DNAI4: variants seen among roughly 807,000 people sequenced by gnomAD.
DNAI4 encodes the protein dynein axonemal intermediate chain 4, also known as WD repeat domain 78.
A neutral mutation model predicts 105.8 loss-of-function variants in DNAI4; 85 were observed. The ratio of observed to expected loss-of-function variants is 0.80; its 90% CI spans 0.67 to 0.96. The LOEUF is 0.96. Ranked by LOEUF, DNAI4 falls within the 40% of genes least tolerant of loss-of-function variation. DNAI4 has a pLI of 0.00. For synonymous variants in DNAI4, 352 were observed against 331.5 expected (o/e 1.06, Z -0.67); for missense variants, 1,014 against 1,005.6 (o/e 1.01, Z -0.11).
intron 7 of DNAI4, among the ~76,000 whole-genome samples, chr1:66,849,112 G>A (rs1178252423): frequency 1.3e-5 from 2 of 152,188 alleles, no homozygotes; most frequent in Non-Finnish European, 2.9e-5. Flanking sequence ...TAGTAACAAA[G>A]TATACCTCCC....
chr1:66,863,096 C>T (rs1290736828), intron 6 of DNAI4, among the ~76,000 whole-genome samples: 1 of 152,098 alleles, frequency 6.6e-6, no homozygotes, highest in Non-Finnish European at 1.5e-5. Flanking sequence ...TAAATTTATT[C>T]AAATCATCAA....
Position 66,826,902 on chromosome 1 carries a change from C to T in DNAI4, c.2257G>A (p.Val753Ile), listed in dbSNP as rs139606017. 1.2e-4 allele frequency: 189 copies of T among 1,614,074 alleles called. No homozygotes were observed. Among genetic ancestry groups the T allele is most frequent in the Middle Eastern group, 3.3e-4 (2 of 6,060 alleles). ...FYPATSVVYD[V>I]AWSPKSSYIF... ...TAGGATGATTTTGGAGACCAGGCAACGTCGTAAACAACAGAAGTAGCTGGA... is the reference window on the plus strand; with the variant it reads ...TAGGATGATTTTGGAGACCAGGCAATGTCGTAAACAACAGAAGTAGCTGGA... The change falls in exon 15 of 17, where the codon GTT becomes ATT. Residue 753 changes from valine (V) to isoleucine (I), a missense_variant. By Grantham distance (29) the Val-to-Ile change is conservative. Coordinates refer to ENST00000371026, the MANE Select transcript of DNAI4 (RefSeq NM_024763.5).
In DNAI4 at chr1:66,883,362, C is replaced by T. The variant is rs1018913390; in HGVS notation, c.643+7792G>A. 2.0e-5 allele frequency among the ~76,000 whole-genome samples: 3 copies of T among 152,038 alleles called. No individual in the cohort carries two copies. The South Asian group carries it at 6.2e-4, about 32-fold the overall frequency. On this transcript the variant is annotated intron_variant, in intron 4 of 16. Coordinates refer to ENST00000371026, the MANE Select transcript of DNAI4 (RefSeq NM_024763.5). ...GCGCAATCTGGGCTCACTGAAACCTCCACCTCCTGGGTTCAAGTGACTCTC... is the reference window on the plus strand; with the variant it reads ...GCGCAATCTGGGCTCACTGAAACCTTCACCTCCTGGGTTCAAGTGACTCTC...
chr1:66,908,098 C>T (rs911461740), intron 1 of DNAI4, among the ~76,000 whole-genome samples: 2 of 152,182 alleles, frequency 1.3e-5, no homozygotes, highest in African/African-American at 4.8e-5. Context: ...GCTGGCAAAA[C>T]CAAAATCATG....
rs995833416 is a variant in DNAI4, at chr1:66,833,438, A to G, written c.2013+147T>C. On this transcript the variant is annotated intron_variant, in intron 13 of 16. Transcript: ENST00000371026. ...TTCTTCCACCTGCATCCCCTAGCCC[A>G]GGCAATCATTTATCTACTTTCTGTC... The G allele has an allele frequency of 3.3e-6, 3 of 916,644 alleles. No individual in the cohort carries two copies. In the African/African-American group the frequency reaches 5.0e-5, roughly 15 times the overall value. The allele number at this position is 916,644 out of a possible 1,614,324, so 56.8% of individuals were successfully genotyped here.
At chr1:66,922,726 T>C (rs571389633) in intron 1 of DNAI4, among the ~76,000 whole-genome samples, 1 of 152,316 alleles carries the variant, frequency 6.6e-6, no homozygotes, top group South Asian at 2.1e-4. Flanking sequence ...AATCCCAAGG[T>C]TTTTCCCCTG....
intron 1 of DNAI4, among the ~76,000 whole-genome samples, chr1:66,924,003 C>A (rs1400028409): frequency 1.3e-5 from 2 of 152,136 alleles, no homozygotes; most frequent in Middle Eastern, 3.2e-3. Flanking sequence ...TACTACAGAG[C>A]ACAGCAATGT....
intron 2 of DNAI4, among the ~76,000 whole-genome samples, chr1:66,903,001 A>G (rs1325312649): frequency 6.6e-6 from 1 of 152,176 alleles, no homozygotes; most frequent in Admixed American, 6.5e-5. Flanking sequence ...TGTTCTTCTT[A>G]TTCAAGATTG....
chr1:66,881,819 T>C (rs1392560829), intron 4 of DNAI4, among the ~76,000 whole-genome samples: 1 of 152,200 alleles, frequency 6.6e-6, no homozygotes, highest in East Asian at 1.9e-4. Flanking sequence ...ATAGTTTGGC[T>C]GTGTCTCCAC....
chr1:66,835,834 A>AT lies in DNAI4; in HGVS notation c.1582-58dup, dbSNP rs1645974544. 12 of 1,511,910 alleles carry AT rather than the reference A, an allele frequency of 7.9e-6. No individual in the cohort carries two copies. In the East Asian group the frequency reaches 2.0e-4, roughly 26 times the overall value. 93.7% of individuals were successfully genotyped at this position (1,511,910 alleles called of 1,614,324 possible). A position where few individuals can be genotyped will look rare whatever the true frequency, so the allele number is the denominator to read the frequency against. On this transcript the variant is annotated intron_variant, in intron 10 of 16. Transcript: ENST00000371026. Reference sequence around the variant, plus strand: ...TTTTTGTAGACCACAGTAAGGCAGAATATAATGGTGGCTGAGATTTAGTTT... The same window carrying AT: ...TTTTTGTAGACCACAGTAAGGCAGAATTATAATGGTGGCTGAGATTTAGTTT...
chr1:66,845,205 A>AAG (rs1557918681), intron 8 of DNAI4, among the ~76,000 whole-genome samples: 2 of 32,908 alleles, frequency 6.1e-5, no homozygotes, highest in African/African-American at 1.6e-4. Context: ...AAAAAAAAAA[A>AAG]AAAAGAAAAA....
chr1:66,868,566 G>A (rs761339519), intron 6 of DNAI4, among the ~76,000 whole-genome samples: 3 of 152,106 alleles, frequency 2.0e-5, no homozygotes, highest in Admixed American at 6.6e-5. Context: ...CTTCAGTAGG[G>A]GCATCAATCC....
At chr1:66,903,468 C>G (rs147184454) in intron 2 of DNAI4, among the ~76,000 whole-genome samples, 309 of 152,158 alleles carry the variant, frequency 2.0e-3, no homozygotes, top group Middle Eastern at 3.4e-3. Flanking sequence ...TCAGAGAGAA[C>G]TTTACTTCTT....
chr1:66,831,340 A>G (rs544161234), intron 13 of DNAI4, among the ~76,000 whole-genome samples: 6 of 152,290 alleles, frequency 3.9e-5, no homozygotes, highest in Non-Finnish European at 7.4e-5. Context: ...ATGTCACAAG[A>G]AAACTATAGA....
intron 6 of DNAI4, among the ~76,000 whole-genome samples, chr1:66,866,556 C>T (rs1009189876): frequency 3.3e-5 from 5 of 152,132 alleles, no homozygotes; most frequent in African/African-American, 1.2e-4. Context: ...ACTATCACCT[C>T]ACTCCTATGT....
intron 6 of DNAI4, among the ~76,000 whole-genome samples, chr1:66,866,239 G>A (rs995996847): frequency 5.9e-5 from 9 of 151,704 alleles, no homozygotes; most frequent in Non-Finnish European, 1.0e-4. Flanking sequence ...TCCAGGAGGC[G>A]ATGGTTGCAG....
chr1:66,836,140 AAAAGAAAGAAAGAAAG>A (rs1165479234), intron 10 of DNAI4, among the ~76,000 whole-genome samples: 15 of 96,006 alleles, frequency 1.6e-4, no homozygotes, highest in East Asian at 5.2e-4. Flanking sequence ...AGAAAGAAAG[AAAAGAAAGAAAGAAAG>A]AAAGAAAGAA....
chr1:66,902,794 A>C (rs1648930920), intron 2 of DNAI4, among the ~76,000 whole-genome samples: 1 of 152,240 alleles, frequency 6.6e-6, no homozygotes, highest in South Asian at 2.1e-4. Context: ...ATTTGTTGAC[A>C]AAACTGTCTT....
chr1:66,836,907 C>G (rs1021653244), intron 10 of DNAI4, among the ~76,000 whole-genome samples: 36 of 152,184 alleles, frequency 2.4e-4, no homozygotes, highest in Non-Finnish European at 4.7e-4. Flanking sequence ...AACAGATTGA[C>G]TAGGGCTCTT....
Sources: allele counts gnomAD v4.1 joint callset (sites outside exome capture counted in the v4.1 genomes callset), GRCh38; gene constraint gnomAD v4.1.1; transcripts MANE v1.5; gene names NCBI Gene and HGNC (gene_info 2026-07-23, HGNC 2026-07-21).